CCSER1: variants seen among roughly 807,000 people sequenced by gnomAD.
CCSER1 encodes the protein coiled-coil serine rich protein 1.
Under a neutral mutation model 82.0 loss-of-function variants are expected in CCSER1, and 41 were observed. The observed-to-expected ratio is 0.50, with a 90% confidence interval of 0.39 to 0.65. The LOEUF (loss-of-function observed/expected upper bound fraction) is 0.65, where lower values mean the gene tolerates loss of function less well. Among genes scored for constraint, CCSER1 ranks in the 30% least tolerant of loss-of-function variants. CCSER1 has a pLI of 0.00. For missense variants in CCSER1, 1,119 were observed against 1,064.2 expected (o/e 1.05, Z -0.72); for synonymous variants, 414 against 383.9 (o/e 1.08, Z -0.92).
intron 7 of CCSER1, among the ~76,000 whole-genome samples, chr4:90,732,484 C>A (rs923191937): frequency 2.6e-5 from 4 of 152,156 alleles, no homozygotes; most frequent in Non-Finnish European, 5.9e-5. Flanking sequence ...CATGTAGGAA[C>A]CCTGTACCTA....
intron 1 of CCSER1, among the ~76,000 whole-genome samples, chr4:90,247,249 C>T (rs1721584684): frequency 6.6e-6 from 1 of 152,120 alleles, no homozygotes; most frequent in Non-Finnish European, 1.5e-5. Context: ...GAAAGCAAAA[C>T]TGCAGCTCCA....
In CCSER1 at chr4:91,093,586, T is replaced by C. The variant is rs531855083; in HGVS notation, c.2217+7592T>C. ...CTAACAGGACTGTAGCTGCCAGGGC[T>C]CTCAGACGTGGAGGCCAGCCTTTTG... On this transcript the variant is annotated intron_variant, in intron 10 of 10. Coordinates refer to ENST00000509176, the MANE Select transcript of CCSER1 (RefSeq NM_001145065.2). Among the ~76,000 whole-genome samples, 3 of 152,334 alleles carry C rather than the reference T, an allele frequency of 2.0e-5. No individual in the cohort carries two copies. In the South Asian group the frequency reaches 6.2e-4, roughly 32 times the overall value.
chr4:90,536,668 T>C (rs1307301356), intron 5 of CCSER1, among the ~76,000 whole-genome samples: 1 of 152,244 alleles, frequency 6.6e-6, no homozygotes. Flanking sequence ...AAGACCTGGG[T>C]CTAATTACCC....
At position 90,853,762 on chromosome 4, in the gene CCSER1, T is replaced by G. The variant is rs549739981; in HGVS notation, c.2094+37917T>G. On this transcript the variant is annotated intron_variant, in intron 8 of 10. Transcript: ENST00000509176. ...AGTGTTTCTGATCTCTTGTGTTTTA[T>G]TTCACATTTCATAAACAGCAATCTC... 5.9e-5 allele frequency among the ~76,000 whole-genome samples: 9 copies of G among 152,290 alleles called. No homozygotes were observed. The South Asian group carries it at 1.9e-3, about 32-fold the overall frequency.
intron 10 of CCSER1, among the ~76,000 whole-genome samples, chr4:91,399,229 C>T (rs1752175554): frequency 6.6e-6 from 1 of 151,820 alleles, no homozygotes; most frequent in Non-Finnish European, 1.5e-5. Context: ...AATTAACTTA[C>T]TCCTTCAGAA....
chr4:90,342,298 T>C (rs181332591), intron 3 of CCSER1, among the ~76,000 whole-genome samples: 79 of 152,290 alleles, frequency 5.2e-4, no homozygotes, highest in Middle Eastern at 3.4e-3. Flanking sequence ...TTGCTACCAA[T>C]GCATATATGA....
chr4:91,440,073 A>T (rs1224465689), intron 10 of CCSER1, among the ~76,000 whole-genome samples: 2 of 152,212 alleles, frequency 1.3e-5, no homozygotes, highest in Admixed American at 1.3e-4. Flanking sequence ...GAAAGTTAAC[A>T]AGGATACCCA....
At chr4:90,646,771 C>T (rs1033325628) in intron 6 of CCSER1, among the ~76,000 whole-genome samples, 5 of 152,154 alleles carry the variant, frequency 3.3e-5, no homozygotes, top group Non-Finnish European at 4.4e-5. Flanking sequence ...TAATGACCCA[C>T]CCTTTCCTTT....
At chr4:90,691,466 A>G (rs1283698956) in intron 6 of CCSER1, among the ~76,000 whole-genome samples, 1 of 143,060 alleles carries the variant, frequency 7.0e-6, no homozygotes, top group Non-Finnish European at 1.6e-5. Flanking sequence ...TCACATATAT[A>G]CACACATGTA....
At chr4:90,143,832 G>T (rs1343584045) in intron 1 of CCSER1, among the ~76,000 whole-genome samples, 1 of 151,806 alleles carries the variant, frequency 6.6e-6, no homozygotes, top group Admixed American at 6.6e-5. Context: ...CCACAGGCAT[G>T]TGTCACCATA....
At chr4:90,830,277 G>A (rs773558350) in intron 8 of CCSER1, among the ~76,000 whole-genome samples, 1 of 152,110 alleles carries the variant, frequency 6.6e-6, no homozygotes, top group South Asian at 2.1e-4. Context: ...ACCCTTGGCC[G>A]TAATTTTTCT....
At chr4:90,543,999 A>T (rs1776439195) in intron 5 of CCSER1, among the ~76,000 whole-genome samples, 1 of 152,088 alleles carries the variant, frequency 6.6e-6, no homozygotes, top group Admixed American at 6.6e-5. Flanking sequence ...TCTGTGTCAG[A>T]GACAAGAGTT....
chr4:91,274,940 C>A (rs530917054), intron 10 of CCSER1, among the ~76,000 whole-genome samples: 8 of 152,000 alleles, frequency 5.3e-5, no homozygotes, highest in South Asian at 2.1e-4. Flanking sequence ...CCCGTCCCTA[C>A]TAAAAATACA....
intron 8 of CCSER1, among the ~76,000 whole-genome samples, chr4:90,914,526 C>T (rs1726979135): frequency 6.6e-6 from 1 of 151,796 alleles, no homozygotes; most frequent in Non-Finnish European, 1.5e-5. Flanking sequence ...GCACTAAATG[C>T]CCACAAGAGA....
intron 8 of CCSER1, among the ~76,000 whole-genome samples, chr4:90,823,663 G>A (rs1227880984): frequency 1.3e-5 from 2 of 151,842 alleles, no homozygotes; most frequent in African/African-American, 2.4e-5. Context: ...TCTATTTTGG[G>A]GGGGGATGTT....
intron 10 of CCSER1, among the ~76,000 whole-genome samples, chr4:91,258,809 A>G (rs1000063344): frequency 2.0e-5 from 3 of 152,140 alleles, no homozygotes; most frequent in African/African-American, 7.2e-5. Flanking sequence ...AATATTATTC[A>G]TTTAATCAAT....
chr4:90,190,944 C>T (rs1328231497), intron 1 of CCSER1, among the ~76,000 whole-genome samples: 1 of 152,006 alleles, frequency 6.6e-6, no homozygotes, highest in African/African-American at 2.4e-5. Context: ...TATGTAATAG[C>T]TAACACAAAT....
At chr4:90,881,987 GA>G (rs1300286452) in intron 8 of CCSER1, among the ~76,000 whole-genome samples, 1 of 151,880 alleles carries the variant, frequency 6.6e-6, no homozygotes, top group African/African-American at 2.4e-5. Flanking sequence ...TTGGCCTGAA[GA>G]AATAACTACT....
At chr4:90,709,753 A>G (rs997689630) in intron 6 of CCSER1, among the ~76,000 whole-genome samples, 10 of 152,124 alleles carry the variant, frequency 6.6e-5, no homozygotes, top group African/African-American at 2.4e-4. Context: ...ATATGCATGC[A>G]TGTATCTTTA....
Sources: allele counts gnomAD v4.1 joint callset (sites outside exome capture counted in the v4.1 genomes callset), GRCh38; gene constraint gnomAD v4.1.1; transcripts MANE v1.5; gene names NCBI Gene and HGNC (gene_info 2026-07-23, HGNC 2026-07-21).